The following BICDL1 variants were observed in gnomAD, a reference collection of about 807,000 sequenced individuals.
The protein encoded by BICDL1 is BICD family-like cargo adapter 1.
BICDL1 carries 20 observed loss-of-function variants against 76.8 expected under a neutral mutation model. The observed-to-expected ratio is 0.26, with a 90% CI of 0.18 to 0.38. The LOEUF (loss-of-function observed/expected upper bound fraction) is 0.38, where lower values mean the gene tolerates loss of function less well. Among genes scored for constraint, BICDL1 ranks in the 10% least tolerant of loss-of-function variants. BICDL1 has a pLI of 1.00. For synonymous variants in BICDL1, 383 were observed against 337.1 expected, an observed-to-expected ratio of 1.14 and a Z score of -1.49; for missense variants, 700 against 798.6, an observed-to-expected ratio of 0.88 and a Z score of 1.49.
At chr12:120,030,328 A>T (rs1952396691) in intron 2 of BICDL1, among the ~76,000 whole-genome samples, 1 of 152,204 alleles carries the variant, frequency 6.6e-6, no homozygotes, top group African/African-American at 2.4e-5. Context: ...TAGCCCCATG[A>T]TTTAGAGGAA....
Position 120,018,399 on chromosome 12 carries a change from A to G in BICDL1, c.645+19663A>G, listed in dbSNP as rs1273825845. Among the ~76,000 whole-genome samples, 4 of 152,360 alleles carry G rather than the reference A, an allele frequency of 2.6e-5. No individual in the cohort carries two copies. The East Asian group carries it at 7.7e-4, about 29-fold the overall frequency. On this transcript the variant is annotated intron_variant, in intron 2 of 9. Transcript: ENST00000548673. ...CTCTCAGATTCCCTGTTAGAATCTG[A>G]GAGTTCCAAGGCACTGGAGGAACCT...
At chr12:120,019,301 G>A (rs1952132139) in intron 2 of BICDL1, 1 of 151,704 alleles carries the variant, frequency 6.6e-6, no homozygotes, top group Non-Finnish European at 1.5e-5. Flanking sequence ...AATTGTAACT[G>A]CATTTGTACT....
intron 2 of BICDL1, among the ~76,000 whole-genome samples, chr12:120,048,635 C>T (rs2138841414): frequency 6.6e-6 from 1 of 152,244 alleles, no homozygotes; most frequent in Middle Eastern, 3.4e-3. Context: ...CAAGGCATCT[C>T]CTCTGGGCCT....
At chr12:120,016,501 G>T (rs1402778957) in intron 2 of BICDL1, among the ~76,000 whole-genome samples, 1 of 144,790 alleles carries the variant, frequency 6.9e-6, no homozygotes, top group African/African-American at 2.6e-5. Context: ...GTACAGTGGC[G>T]TGATCATGGC....
At chr12:120,013,045 T>C (rs1951984553) in intron 2 of BICDL1, among the ~76,000 whole-genome samples, 2 of 152,098 alleles carry the variant, frequency 1.3e-5, no homozygotes, top group South Asian at 4.1e-4. Flanking sequence ...TAATGGTGGC[T>C]CATGCCTGTA....
chr12:120,041,466 TC>T (rs1180666115), intron 2 of BICDL1, among the ~76,000 whole-genome samples: 1 of 152,158 alleles, frequency 6.6e-6, no homozygotes, highest in African/African-American at 2.4e-5. Flanking sequence ...CTGGCTCACT[TC>T]CGAGTACTGG....
At chr12:120,032,745 ATTTTTTT>A (rs35727779) in intron 2 of BICDL1, among the ~76,000 whole-genome samples, 2 of 124,486 alleles carry the variant, frequency 1.6e-5, no homozygotes, top group African/African-American at 6.5e-5. Flanking sequence ...TACATCTATA[ATTTTTTT>A]TTTTTTTTTT....
intron 2 of BICDL1, among the ~76,000 whole-genome samples, chr12:120,044,517 G>C (rs573163956): frequency 3.5e-4 from 53 of 152,230 alleles, no homozygotes; most frequent in African/African-American, 1.2e-3. Context: ...CCAACTGCCC[G>C]TCTTCCCCTA....
At chr12:119,992,898 T>G (rs1951554743) in intron 1 of BICDL1, 1 of 152,208 alleles carries the variant, frequency 6.6e-6, no homozygotes, top group Admixed American at 6.5e-5. Context: ...ATAATGAGAC[T>G]GGTTTTATTT....
At chr12:120,005,302 G>T (rs1249672385) in intron 2 of BICDL1, among the ~76,000 whole-genome samples, 1 of 152,000 alleles carries the variant, frequency 6.6e-6, no homozygotes, top group South Asian at 2.1e-4. Context: ...AATTTTTTTT[G>T]TATTTCTTCA....
chr12:120,087,287 G>C (rs1311176251), intron 8 of BICDL1, among the ~76,000 whole-genome samples: 1 of 152,244 alleles, frequency 6.6e-6, no homozygotes, highest in East Asian at 1.9e-4. Flanking sequence ...AGTGGGCGGG[G>C]CTGACGCGGT....
chr12:120,092,235 G>A (rs1875034064), intron 9 of BICDL1: 1 of 985,348 alleles, frequency 1.0e-6, no homozygotes, highest in Non-Finnish European at 1.2e-6. Context: ...TATGGGAAAG[G>A]CTGCTGTTCT....
intron 1 of BICDL1, 91 bp from the exon 2 acceptor site, chr12:119,998,430 A>T: frequency 8.8e-7 from 1 of 1,133,136 alleles, no homozygotes; most frequent in Non-Finnish European, 1.2e-6. Context: ...TCTACTGACT[A>T]GGAAAAAGAA....
chr12:120,080,608 T>C lies in BICDL1; in HGVS notation c.1453-279T>C. On this transcript the variant is annotated intron_variant, in intron 7 of 9. Coordinates refer to ENST00000548673, the MANE Select transcript of BICDL1 (RefSeq NM_001367886.1). The stretch of plus-strand genomic sequence containing the variant: ...TGGAGATGGAGGAGGTAGTATGCCG[T>C]GCTGAGTGCAAAGGGAAGATCTGGC... 3 of 299,758 alleles carry C rather than the reference T, an allele frequency of 1.0e-5. No homozygotes were observed. The South Asian group carries it at 1.2e-4, about 12-fold the overall frequency. The allele number at this position is 299,758 out of a possible 1,614,324, so 18.6% of individuals were successfully genotyped here. A position where few individuals can be genotyped will look rare whatever the true frequency, so the allele number is the denominator to read the frequency against.
chr12:120,068,319 A>C (rs1872809771), intron 4 of BICDL1, among the ~76,000 whole-genome samples: 1 of 152,234 alleles, frequency 6.6e-6, no homozygotes, highest in East Asian at 1.9e-4. Flanking sequence ...GTTCTCCCCC[A>C]CACCACCACT....
chr12:120,005,661 G>A (rs900974211), intron 2 of BICDL1, among the ~76,000 whole-genome samples: 1 of 152,168 alleles, frequency 6.6e-6, no homozygotes, highest in Non-Finnish European at 1.5e-5. Context: ...GAGCCACCAC[G>A]CCCAGCCGTT....
intron 2 of BICDL1, among the ~76,000 whole-genome samples, chr12:120,007,225 CTG>C (rs1410371864): frequency 6.6e-6 from 1 of 152,172 alleles, no homozygotes; most frequent in Non-Finnish European, 1.5e-5. Flanking sequence ...TCATCTTAGA[CTG>C]TGTGGATAAT....
intron 9 of BICDL1, 113 bp downstream of exon 9, chr12:120,090,184 A>T: frequency 8.1e-7 from 1 of 1,231,020 alleles, no homozygotes. Context: ...CTGGGTGAAC[A>T]GCACATCCCA....
intron 2 of BICDL1, among the ~76,000 whole-genome samples, chr12:120,016,313 A>G (rs535988041): frequency 1.4e-4 from 22 of 152,218 alleles, no homozygotes; most frequent in African/African-American, 5.3e-4. Flanking sequence ...GATTGTTTCC[A>G]ATTTTCAACT....
Sources: allele counts gnomAD v4.1 joint callset (sites outside exome capture counted in the v4.1 genomes callset), GRCh38; gene constraint gnomAD v4.1.1; transcripts MANE v1.5; gene names NCBI Gene and HGNC (gene_info 2026-07-23, HGNC 2026-07-21).